Variants in BCL2A1 observed in about 807,000 individuals in gnomAD.
BCL2A1 encodes bcl-2-related protein A1.
BCL2A1 carries 10 observed loss-of-function variants against 14.4 expected under a neutral mutation model. That is an observed-to-expected ratio of 0.69 (90% confidence interval 0.43 to 1.18). BCL2A1 has a LOEUF of 1.18. Ranked by LOEUF, BCL2A1 falls within the 50% of genes most tolerant of loss-of-function variation. BCL2A1 has a pLI of 0.00. For synonymous variants in BCL2A1, 71 were observed against 76.5 expected (o/e 0.93, Z 0.38); for missense variants, 158 against 205.0 (o/e 0.77, Z 1.40).
Position 79,966,327 on chromosome 15 carries a change from T to C in BCL2A1, c.420+4373A>G, listed in dbSNP as rs561847404. Among the ~76,000 whole-genome samples the C allele has an allele frequency of 5.9e-5, 9 of 152,314 alleles. No homozygotes were observed. In the East Asian group the frequency reaches 1.5e-3, roughly 26 times the overall value. ...AGTAATTTACCCAAGGTTATACCTC[T>C]AGTGAGTGAGAAAACCAGAGTTCAA... On this transcript the variant is annotated intron_variant, in intron 1 of 1. Coordinates refer to ENST00000267953, the MANE Select transcript of BCL2A1 (RefSeq NM_004049.4).
chr15:79,963,553 C>A (rs529976498), intron 1 of BCL2A1, among the ~76,000 whole-genome samples: 1 of 152,294 alleles, frequency 6.6e-6, no homozygotes, highest in Non-Finnish European at 1.5e-5. Flanking sequence ...TTATGCCTAG[C>A]AAACCTCAAA....
chr15:79,960,978 T>C lies in BCL2A1; in HGVS notation c.*89A>G, dbSNP rs1211554632. 1 of 1,574,078 alleles carries C rather than the reference T, an allele frequency of 6.4e-7. No individual in the cohort carries two copies. The highest frequency in any genetic ancestry group is 2.2e-5 in the East Asian group (1 of 44,544). On this transcript the variant is annotated 3_prime_UTR_variant, in exon 2 of 2. Coordinates refer to ENST00000267953, the MANE Select transcript of BCL2A1 (RefSeq NM_004049.4). The stretch of plus-strand genomic sequence containing the variant: ...GTCAAGTTACATCATCAAAGTTGTT[T>C]ATTTAAAAGTAGAAGTATGTGTTGG...
intron 1 of BCL2A1, among the ~76,000 whole-genome samples, chr15:79,963,044 C>T (rs1003237279): frequency 2.0e-5 from 3 of 152,068 alleles, no homozygotes; most frequent in Admixed American, 6.5e-5. Context: ...TGCAATGGCG[C>T]GATCTCAGCT....
chr15:79,968,794 G>C (rs368624189), intron 1 of BCL2A1, among the ~76,000 whole-genome samples: 1 of 152,186 alleles, frequency 6.6e-6, no homozygotes, highest in East Asian at 1.9e-4. Context: ...GCTGGGTGTG[G>C]TGGCACATGC....
Position 79,960,973 on chromosome 15 carries a change from T to C in BCL2A1, c.*94A>G. 1 of 1,565,758 alleles carries C rather than the reference T, an allele frequency of 6.4e-7. No individual in the cohort carries two copies. On this transcript the variant is annotated 3_prime_UTR_variant, in exon 2 of 2. Transcript: ENST00000267953. ...GGAAGGTCAAGTTACATCATCAAAG[T>C]TGTTTATTTAAAAGTAGAAGTATGT...
At chr15:79,967,929 T>A (rs553701813) in intron 1 of BCL2A1, among the ~76,000 whole-genome samples, 29 of 151,916 alleles carry the variant, frequency 1.9e-4, no homozygotes, top group Admixed American at 1.9e-3. Context: ...GGTGTTTTTT[T>A]TAAAAAAAAA....
Position 79,970,686 on chromosome 15 carries a change from T to G in BCL2A1, c.420+14A>C. 6.4e-7 allele frequency: 1 copy of G among 1,568,908 alleles called. No homozygotes were observed. Among genetic ancestry groups the G allele is most frequent in the Non-Finnish European group, 8.7e-7 (1 of 1,155,850 alleles). ...ACAGGAAAGAACAATGAAGAATTTT[T>G]CCATCACACATACCCAGCCTCCGTT... On this transcript the variant is annotated intron_variant, in intron 1 of 1. Coordinates refer to ENST00000267953, the MANE Select transcript of BCL2A1 (RefSeq NM_004049.4).
At chr15:79,968,668 C>T (rs1447760755) in intron 1 of BCL2A1, among the ~76,000 whole-genome samples, 4 of 152,232 alleles carry the variant, frequency 2.6e-5, no homozygotes, top group Admixed American at 1.3e-4. Context: ...GCATGGCTCA[C>T]GCCTGTGATC....
chr15:79,961,044 A>G lies in BCL2A1; in HGVS notation c.*23T>C, dbSNP rs763890473. ...CAGTCAGAAAAATTAGGCCGGTTTC[A>G]CAATATGGAGTGTCCTTTCTGGTCA... On this transcript the variant is annotated 3_prime_UTR_variant, in exon 2 of 2. Coordinates refer to ENST00000267953, the MANE Select transcript of BCL2A1 (RefSeq NM_004049.4). 6.2e-6 allele frequency: 10 copies of G among 1,612,636 alleles called. No homozygotes were observed. Among genetic ancestry groups the G allele is most frequent in the Non-Finnish European group, 8.5e-6 (10 of 1,178,932 alleles).
At position 79,967,000 on chromosome 15, in the gene BCL2A1, T is replaced by C. The variant is rs540757292; in HGVS notation, c.420+3700A>G. 7.9e-5 allele frequency among the ~76,000 whole-genome samples: 12 copies of C among 152,338 alleles called. No homozygotes were observed. In the South Asian group the frequency reaches 2.5e-3, roughly 32 times the overall value. On this transcript the variant is annotated intron_variant, in intron 1 of 1. Coordinates refer to ENST00000267953, the MANE Select transcript of BCL2A1 (RefSeq NM_004049.4). ...ATTGAGTACTCATTTTCAGGAATTGTTTCAAGTGCTTTGCATATATTAACT... is the reference window on the plus strand; with the variant it reads ...ATTGAGTACTCATTTTCAGGAATTGCTTCAAGTGCTTTGCATATATTAACT...
chr15:79,965,775 CTTATT>C (rs934697827), intron 1 of BCL2A1, among the ~76,000 whole-genome samples: 7 of 152,090 alleles, frequency 4.6e-5, no homozygotes, highest in Non-Finnish European at 1.0e-4. Context: ...TGCCCCAAAA[CTTATT>C]TAATCAAAGG....
chr15:79,970,987 G>A lies in BCL2A1; in HGVS notation c.133C>T (p.Gln45Ter), dbSNP rs1486894546. ...RVLQNVAFSV[Q>*]KEVEKNLKSC... ...TTCAGATTCTTTTCCACTTCTTTTTGGACTGAGAACGCAACATTTTGTAGC... is the reference window on the plus strand; with the variant it reads ...TTCAGATTCTTTTCCACTTCTTTTTAGACTGAGAACGCAACATTTTGTAGC... The change falls in exon 1 of 2, where the codon CAA becomes TAA. Residue 45 changes from glutamine to a stop codon, truncating the protein, a stop_gained. Transcript: ENST00000267953. LOFTEE classifies it high-confidence loss of function. 1 of 1,614,054 alleles carries A rather than the reference G, an allele frequency of 6.2e-7. No individual in the cohort carries two copies. Among genetic ancestry groups the A allele is most frequent in the African/African-American group, 1.3e-5 (1 of 74,908 alleles).
At chr15:79,964,287 A>G (rs1477140532) in intron 1 of BCL2A1, among the ~76,000 whole-genome samples, 1 of 152,140 alleles carries the variant, frequency 6.6e-6, no homozygotes, top group Non-Finnish European at 1.5e-5. Context: ...TAGTCCAAAG[A>G]AAATCAAAAT....
chr15:79,961,552 T>C (rs2035490891), intron 1 of BCL2A1, among the ~76,000 whole-genome samples: 1 of 152,170 alleles, frequency 6.6e-6, no homozygotes, highest in Non-Finnish European at 1.5e-5. Flanking sequence ...TTCACTTCCA[T>C]AGTGGACAGC....
At chr15:79,969,191 T>G (rs943916361) in intron 1 of BCL2A1, among the ~76,000 whole-genome samples, 8 of 151,894 alleles carry the variant, frequency 5.3e-5, no homozygotes, top group Non-Finnish European at 1.2e-4. Flanking sequence ...ATTAAGAAAA[T>G]TATGATGAAT....
chr15:79,961,827 A>G (rs1409033251), intron 1 of BCL2A1, among the ~76,000 whole-genome samples: 4 of 152,206 alleles, frequency 2.6e-5, no homozygotes. Flanking sequence ...TTAACTGGAC[A>G]TTTTATTTAG....
At chr15:79,966,831 AAGGCAGG>A (rs1567023990) in intron 1 of BCL2A1, among the ~76,000 whole-genome samples, 4 of 150,028 alleles carry the variant, frequency 2.7e-5, no homozygotes, top group Non-Finnish European at 5.9e-5. Flanking sequence ...GGAAGGCAGG[AAGGCAGG>A]AAGGAAGGAA....
chr15:79,963,368 T>C (rs2035508981), intron 1 of BCL2A1, among the ~76,000 whole-genome samples: 1 of 152,132 alleles, frequency 6.6e-6, no homozygotes, highest in South Asian at 2.1e-4. Flanking sequence ...ATGAAAGAGT[T>C]CATTCAAATG....
intron 1 of BCL2A1, among the ~76,000 whole-genome samples, chr15:79,962,922 T>A (rs1357063909): frequency 1.3e-5 from 2 of 152,074 alleles, no homozygotes; most frequent in East Asian, 3.9e-4. Flanking sequence ...TATACATCAA[T>A]GTCGAAAGGA....
Sources: gnomAD v4.1 joint callset for allele counts (sites outside exome capture counted in the v4.1 genomes callset) on GRCh38, gnomAD v4.1.1 for gene constraint, MANE v1.5 for transcripts, NCBI Gene and HGNC (gene_info 2026-07-23, HGNC 2026-07-21) for gene names.